The following PITPNC1 variants were observed in gnomAD, a reference collection of about 807,000 sequenced individuals.
PITPNC1 encodes the protein cytoplasmic phosphatidylinositol transfer protein 1.
PITPNC1 carries 18 observed loss-of-function variants against 44.7 expected under a neutral mutation model. The ratio of observed to expected loss-of-function variants is 0.40; its 90% confidence interval spans 0.28 to 0.60. PITPNC1 has a LOEUF of 0.60. Ranked by LOEUF, PITPNC1 falls within the 20% of genes least tolerant of loss-of-function variation. The pLI is 0.39. For synonymous variants in PITPNC1, 141 were observed against 149.6 expected, an observed-to-expected ratio of 0.94 and a Z score of 0.42; for missense variants, 290 against 418.4, an observed-to-expected ratio of 0.69 and a Z score of 2.68.
chr17:67,448,395 G>A (rs2039130481), intron 1 of PITPNC1, among the ~76,000 whole-genome samples: 1 of 152,180 alleles, frequency 6.6e-6, no homozygotes, highest in South Asian at 2.1e-4. Context: ...TGATCACCTG[G>A]AACCAGGTGC....
chr17:67,599,034 ATTT>A (rs1160152426), intron 5 of PITPNC1, among the ~76,000 whole-genome samples: 531 of 35,394 alleles, frequency 0.015, 10 homozygotes, highest in East Asian at 0.019. Context: ...ATATATATAT[ATTT>A]TTTTTTTTTT....
intron 1 of PITPNC1, among the ~76,000 whole-genome samples, chr17:67,528,329 G>A (rs1328015662): frequency 6.6e-6 from 1 of 152,152 alleles, no homozygotes; most frequent in African/African-American, 2.4e-5. Flanking sequence ...GGCATGAGCC[G>A]CTGCGCCCAG....
intron 1 of PITPNC1, among the ~76,000 whole-genome samples, chr17:67,480,751 A>G (rs1313542345): frequency 2.0e-5 from 3 of 152,190 alleles, no homozygotes; most frequent in Non-Finnish European, 4.4e-5. Flanking sequence ...TCTGTCTCAC[A>G]TATTTTGCCA....
At chr17:67,599,477 G>A (rs1418765433) in intron 5 of PITPNC1, among the ~76,000 whole-genome samples, 1 of 152,178 alleles carries the variant, frequency 6.6e-6, no homozygotes, top group Non-Finnish European at 1.5e-5. Flanking sequence ...CGTTTAATGG[G>A]AGGGAAATGG....
At chr17:67,623,969 CTGA>C (rs1162224653) in intron 5 of PITPNC1, among the ~76,000 whole-genome samples, 1 of 152,156 alleles carries the variant, frequency 6.6e-6, no homozygotes, top group Non-Finnish European at 1.5e-5. Flanking sequence ...GAAATCTAGG[CTGA>C]TAAGACACAT....
chr17:67,571,972 G>A (rs780837992), intron 4 of PITPNC1, among the ~76,000 whole-genome samples: 7 of 152,184 alleles, frequency 4.6e-5, no homozygotes, highest in Non-Finnish European at 1.0e-4. Flanking sequence ...GACTCTGGAG[G>A]CCATCTCAGA....
chr17:67,615,665 T>C (rs1245760960), intron 5 of PITPNC1, among the ~76,000 whole-genome samples: 1 of 152,034 alleles, frequency 6.6e-6, no homozygotes, highest in East Asian at 1.9e-4. Context: ...GGCCCGTGAG[T>C]GTCTCCAGGT....
intron 6 of PITPNC1, among the ~76,000 whole-genome samples, chr17:67,653,218 G>T (rs967178930): frequency 6.6e-6 from 1 of 152,134 alleles, no homozygotes; most frequent in East Asian, 1.9e-4. Flanking sequence ...GGAGGTGGAG[G>T]TTGGATGGCA....
chr17:67,432,410 C>A (rs1325573868), intron 1 of PITPNC1, among the ~76,000 whole-genome samples: 1 of 152,108 alleles, frequency 6.6e-6, no homozygotes, highest in African/African-American at 2.4e-5. Flanking sequence ...ATGGCGTGAA[C>A]CTGGGAGGTG....
rs558310588 is a variant in PITPNC1 at position 67,579,614 on chromosome 17, ATTTTTT to A, written c.366+1380_366+1385del. On this transcript the variant is annotated intron_variant, in intron 5 of 8. Transcript: ENST00000581322. ...CAACTTGAATCCTTGTAAAATAGTGATTTTTTTTTTTTTTTTTTTTTTTTTTTTCTG... is the reference window on the plus strand; with the variant it reads ...CAACTTGAATCCTTGTAAAATAGTGATTTTTTTTTTTTTTTTTTTTTTCTG... 5.3e-4 allele frequency among the ~76,000 whole-genome samples: 47 copies of A among 88,806 alleles called. 1 individual carries two copies. Among genetic ancestry groups the A allele is most frequent in the African/African-American group, 2.2e-3 (46 of 21,006 alleles). The allele number at this position is 88,806 out of a possible 152,430, so 58.3% of individuals were successfully genotyped here.
rs2037898948 is a variant in PITPNC1, at chr17:67,378,106, T to C, written c.-49T>C. The stretch of plus-strand genomic sequence containing the variant: ...GCCTGGGCAGCAGCCTTGCTGGTCT[T>C]GGGGGCGCCCCCCGCTTCCCGCCCC... On this transcript the variant is annotated 5_prime_UTR_variant, in exon 1 of 9. Coordinates refer to ENST00000581322, the MANE Select transcript of PITPNC1 (RefSeq NM_012417.4). 2.1e-6 allele frequency: 3 copies of C among 1,410,776 alleles called. No homozygotes were observed. Among genetic ancestry groups the C allele is most frequent in the African/African-American group, 1.5e-5 (1 of 67,446 alleles). 87.4% of individuals were successfully genotyped at this position (1,410,776 alleles called of 1,614,324 possible). A position where few individuals can be genotyped will look rare whatever the true frequency, so the allele number is the denominator to read the frequency against.
intron 6 of PITPNC1, among the ~76,000 whole-genome samples, chr17:67,655,558 CAAAAAAA>C (rs796111267): frequency 4.8e-5 from 2 of 42,084 alleles, no homozygotes; most frequent in African/African-American, 7.8e-5. Context: ...AGACTCATCT[CAAAAAAA>C]AAAAAAAAAA....
At chr17:67,590,993 A>G (rs2041384224) in intron 5 of PITPNC1, among the ~76,000 whole-genome samples, 1 of 152,164 alleles carries the variant, frequency 6.6e-6, no homozygotes, top group African/African-American at 2.4e-5. Context: ...GAATTTTACA[A>G]TAGACATACC....
At chr17:67,516,569 G>A (rs1424159927) in intron 1 of PITPNC1, among the ~76,000 whole-genome samples, 1 of 152,128 alleles carries the variant, frequency 6.6e-6, no homozygotes, top group East Asian at 1.9e-4. Context: ...GTTTTGCTGT[G>A]AGCAAGTAGA....
intron 1 of PITPNC1, among the ~76,000 whole-genome samples, chr17:67,488,464 T>C (rs2039815074): frequency 6.6e-6 from 1 of 152,226 alleles, no homozygotes; most frequent in Non-Finnish European, 1.5e-5. Flanking sequence ...TGCTGTGTTT[T>C]ACAGATGACA....
intron 1 of PITPNC1, among the ~76,000 whole-genome samples, chr17:67,466,400 C>T (rs1342144881): frequency 3.3e-5 from 5 of 152,122 alleles, no homozygotes; most frequent in African/African-American, 1.2e-4. Flanking sequence ...GAGAGGTTCC[C>T]ATTTGTTCAA....
At chr17:67,410,981 G>C (rs1276410334) in intron 1 of PITPNC1, among the ~76,000 whole-genome samples, 1 of 151,724 alleles carries the variant, frequency 6.6e-6, no homozygotes, top group East Asian at 2.0e-4. Flanking sequence ...TACTCGGGAG[G>C]CTGAGGCAGA....
intron 4 of PITPNC1, among the ~76,000 whole-genome samples, chr17:67,568,828 A>C (rs542431613): frequency 5.9e-5 from 9 of 152,338 alleles, no homozygotes; most frequent in Admixed American, 4.6e-4. Context: ...ATACACTGTC[A>C]TAGAGAATAC....
intron 2 of PITPNC1, among the ~76,000 whole-genome samples, chr17:67,537,376 A>G (rs1157753644): frequency 6.6e-6 from 1 of 152,238 alleles, no homozygotes; most frequent in South Asian, 2.1e-4. Context: ...TACAATCCAT[A>G]TAGAAAAATC....
Sources: allele counts gnomAD v4.1 joint callset (sites outside exome capture counted in the v4.1 genomes callset), GRCh38; gene constraint gnomAD v4.1.1; transcripts MANE v1.5; gene names NCBI Gene and HGNC (gene_info 2026-07-23, HGNC 2026-07-21).